The following SPIDR variants were observed in gnomAD, a reference collection of about 807,000 sequenced individuals.
The protein encoded by SPIDR is DNA repair-scaffolding protein.
SPIDR carries 93 observed loss-of-function variants against 104.6 expected under a neutral mutation model. The observed-to-expected ratio is 0.89, with a 90% confidence interval of 0.75 to 1.06. The LOEUF is 1.06. Ranked by LOEUF, SPIDR falls within the 50% of genes least tolerant of loss-of-function variation. The pLI is 0.00. For missense variants in SPIDR, 1,154 were observed against 1,111.2 expected, an observed-to-expected ratio of 1.04 and a Z score of -0.55; for synonymous variants, 431 against 416.9, an observed-to-expected ratio of 1.03 and a Z score of -0.41.
chr8:47,714,959 C>T (rs1434358615), intron 16 of SPIDR, among the ~76,000 whole-genome samples: 1 of 152,138 alleles, frequency 6.6e-6, no homozygotes, highest in Non-Finnish European at 1.5e-5. Flanking sequence ...AGCTATAACT[C>T]AGTAATACCC....
chr8:47,423,160 A>G (rs763384308), intron 7 of SPIDR, among the ~76,000 whole-genome samples: 29 of 152,054 alleles, frequency 1.9e-4, no homozygotes, highest in Middle Eastern at 3.4e-3. Context: ...AAAAATTGGC[A>G]TGTTGTGGGC....
chr8:47,415,412 T>A (rs781889332), intron 7 of SPIDR, among the ~76,000 whole-genome samples: 1 of 152,200 alleles, frequency 6.6e-6, no homozygotes, highest in Non-Finnish European at 1.5e-5. Flanking sequence ...TACATGCATT[T>A]ATTTCTGTGT....
At chr8:47,290,904 A>G (rs1488088119) in intron 3 of SPIDR, 129 bp from the exon 4 acceptor site, 1 of 562,116 alleles carries the variant, frequency 1.8e-6, no homozygotes, top group African/African-American at 1.9e-5. Context: ...GATTTGACAT[A>G]GACATTGCTT....
At chr8:47,681,847 T>G (rs1254979468) in intron 11 of SPIDR, among the ~76,000 whole-genome samples, 1 of 152,204 alleles carries the variant, frequency 6.6e-6, no homozygotes, top group African/African-American at 2.4e-5. Flanking sequence ...TTACAAAGAC[T>G]TATTTTCTCA....
intron 10 of SPIDR, among the ~76,000 whole-genome samples, chr8:47,659,943 C>T (rs1261013466): frequency 6.6e-6 from 1 of 152,196 alleles, no homozygotes; most frequent in Non-Finnish European, 1.5e-5. Context: ...ACGTAAACAT[C>T]CCACATAGCC....
At chr8:47,381,953 A>G (rs1347296207) in intron 5 of SPIDR, among the ~76,000 whole-genome samples, 2 of 152,250 alleles carry the variant, frequency 1.3e-5, no homozygotes, top group African/African-American at 4.8e-5. Flanking sequence ...GCATTTAGCT[A>G]CAAAGGTGTA....
chr8:47,594,840 A>T (rs1217617429), intron 8 of SPIDR, among the ~76,000 whole-genome samples: 2 of 151,074 alleles, frequency 1.3e-5, no homozygotes, highest in East Asian at 1.9e-4. Flanking sequence ...CTAAAAAACT[A>T]AAAAAAAATA....
rs559074360 is a variant in SPIDR, at chr8:47,596,376, C to T, written c.1293+370C>T. Reference sequence around the variant, plus strand: ...CAAACCTAGATGGTCCAGCCTACTACACACCTAGGCTATATGGTATGGCTG... The same window carrying T: ...CAAACCTAGATGGTCCAGCCTACTATACACCTAGGCTATATGGTATGGCTG... On this transcript the variant is annotated intron_variant, in intron 9 of 19. Coordinates refer to ENST00000297423, the MANE Select transcript of SPIDR (RefSeq NM_001080394.4). Among the ~76,000 whole-genome samples the T allele has an allele frequency of 7.9e-5, 12 of 152,350 alleles. No individual in the cohort carries two copies. In the East Asian group the frequency reaches 2.3e-3, roughly 29 times the overall value.
intron 5 of SPIDR, among the ~76,000 whole-genome samples, chr8:47,339,770 C>CGG (rs2050394932): frequency 6.8e-6 from 1 of 146,696 alleles, no homozygotes; most frequent in African/African-American, 2.5e-5. Context: ...ACCTTTGCCT[C>CGG]CCAGGTTCAA....
At chr8:47,374,572 T>G (rs782005038) in intron 5 of SPIDR, among the ~76,000 whole-genome samples, 4 of 152,202 alleles carry the variant, frequency 2.6e-5, no homozygotes, top group Non-Finnish European at 4.4e-5. Context: ...TTGGTTTACT[T>G]CATGTCTGTC....
At chr8:47,421,245 A>G (rs1361014484) in intron 7 of SPIDR, among the ~76,000 whole-genome samples, 1 of 152,248 alleles carries the variant, frequency 6.6e-6, no homozygotes, top group African/African-American at 2.4e-5. Flanking sequence ...TTTCGGGTAC[A>G]CCAATCAGAC....
At chr8:47,507,029 A>G (rs1425766246) in intron 8 of SPIDR, among the ~76,000 whole-genome samples, 3 of 152,178 alleles carry the variant, frequency 2.0e-5, no homozygotes, top group East Asian at 1.9e-4. Context: ...ACAAGCATTC[A>G]TAGGGTGATT....
intron 10 of SPIDR, among the ~76,000 whole-genome samples, chr8:47,628,348 G>T (rs956825494): frequency 6.6e-6 from 1 of 152,162 alleles, no homozygotes; most frequent in African/African-American, 2.4e-5. Context: ...AAGTTCAACA[G>T]AATTGTTCCA....
intron 7 of SPIDR, among the ~76,000 whole-genome samples, chr8:47,431,216 A>C (rs1302911087): frequency 6.6e-6 from 1 of 152,200 alleles, no homozygotes; most frequent in Non-Finnish European, 1.5e-5. Context: ...CAAGTCCTCC[A>C]GTCTCTTACA....
intron 8 of SPIDR, among the ~76,000 whole-genome samples, chr8:47,445,983 A>G (rs886149320): frequency 6.6e-6 from 1 of 152,264 alleles, no homozygotes; most frequent in Non-Finnish European, 1.5e-5. Flanking sequence ...TTACAAGATG[A>G]AGTAGCAAGT....
chr8:47,320,078 G>C (rs2046247521), intron 5 of SPIDR, among the ~76,000 whole-genome samples: 1 of 151,934 alleles, frequency 6.6e-6, no homozygotes, highest in Non-Finnish European at 1.5e-5. Flanking sequence ...GCTAGCAGAA[G>C]GCAAGAAATA....
chr8:47,320,371 A>C (rs1183453591), intron 5 of SPIDR, among the ~76,000 whole-genome samples: 1 of 152,234 alleles, frequency 6.6e-6, no homozygotes, highest in East Asian at 1.9e-4. Context: ...ATTCCTGGAC[A>C]CATACACCCT....
chr8:47,654,103 A>G (rs1397327813), intron 10 of SPIDR: 1 of 1,289,844 alleles, frequency 7.8e-7, no homozygotes, highest in East Asian at 5.5e-5. Context: ...GTGTGTACCA[A>G]GAGGCATGCA....
At chr8:47,420,826 C>A (rs2096575619) in intron 7 of SPIDR, among the ~76,000 whole-genome samples, 1 of 152,060 alleles carries the variant, frequency 6.6e-6, no homozygotes, top group South Asian at 2.1e-4. Flanking sequence ...ACAAAATCTC[C>A]CAACATTTGT....
Sources: gnomAD v4.1 joint callset for allele counts (sites outside exome capture counted in the v4.1 genomes callset) on GRCh38, gnomAD v4.1.1 for gene constraint, MANE v1.5 for transcripts, NCBI Gene and HGNC (gene_info 2026-07-23, HGNC 2026-07-21) for gene names.